NDST3: variants seen among roughly 807,000 people sequenced by gnomAD.
NDST3 encodes the protein N-deacetylase and N-sulfotransferase 3, also known as bifunctional heparan sulfate N-deacetylase/N-sulfotransferase 3.
Under a neutral mutation model 96.1 loss-of-function variants are expected in NDST3, and 58 were observed. That is an observed-to-expected ratio of 0.60 (90% CI 0.49 to 0.75). The LOEUF is 0.75. Ranked by LOEUF, NDST3 falls within the 30% of genes least tolerant of loss-of-function variation. The pLI is 0.00. For synonymous variants in NDST3, 333 were observed against 359.7 expected, an observed-to-expected ratio of 0.93 and a Z score of 0.84; for missense variants, 788 against 1,034.2, an observed-to-expected ratio of 0.76 and a Z score of 3.27.
Position 118,224,524 on chromosome 4 carries a change from G to A in NDST3, c.1573G>A (p.Gly525Arg), listed in dbSNP as rs1174502868. Residue 525 changes from glycine to arginine, a missense_variant, in exon 7 of 14, where the codon GGG (glycine) becomes AGG (arginine). Physicochemically the swap from Gly to Arg is moderately radical, Grantham distance 125. This residue lies in a region of NDST3 where 490 missense variants were observed against 708.8 expected (regional missense o/e 0.69). Coordinates refer to ENST00000296499, the MANE Select transcript of NDST3 (RefSeq NM_004784.3). The stretch of plus-strand genomic sequence containing the variant: ...TTTCATGACCCATTTGTCCAACTAT[G>A]GGAATGACCGACTGGGATTATATAC... ...SIFMTHLSNYGNDRLGLYTFV... is the reference protein window; with the variant it reads ...SIFMTHLSNYRNDRLGLYTFV... 6.2e-7 allele frequency: 1 copy of A among 1,609,506 alleles called. No individual in the cohort carries two copies. Among genetic ancestry groups the A allele is most frequent in the Non-Finnish European group, 8.5e-7 (1 of 1,177,940 alleles).
At chr4:118,137,973 C>T (rs779697594) in intron 4 of NDST3, 81 bp from the exon 5 acceptor site, 5 of 1,160,734 alleles carry the variant, frequency 4.3e-6, no homozygotes, top group Non-Finnish European at 6.0e-6. Context: ...TATATATTTA[C>T]AGTACATTTG....
Position 118,104,827 on chromosome 4 carries a change from AATGT to A in NDST3, c.982-186_982-183del, listed in dbSNP as rs374186013. ...TTTATTGCAAGCTAAAGGATAAATA[AATGT>A]ATGTGTTTCATGTAAACTCAAAAGT... On this transcript the variant is annotated intron_variant, in intron 2 of 13. Transcript: ENST00000296499. Among the ~76,000 whole-genome samples the A allele has an allele frequency of 8.1e-4, 123 of 152,280 alleles. 1 individual carries two copies. The East Asian group carries it at 0.019, about 23-fold the overall frequency.
intron 2 of NDST3, among the ~76,000 whole-genome samples, chr4:118,094,002 C>A (rs922052974): frequency 2.0e-5 from 3 of 151,748 alleles, no homozygotes; most frequent in African/African-American, 4.8e-5. Context: ...GAAGCAAGCC[C>A]ACTTCCTCAA....
chr4:118,155,037 C>G (rs977780662), intron 6 of NDST3, among the ~76,000 whole-genome samples: 5 of 152,102 alleles, frequency 3.3e-5, no homozygotes, highest in African/African-American at 1.2e-4. Flanking sequence ...TAAAGAACTA[C>G]GAATAAAGAA....
chr4:118,246,861 G>A (rs1386297557), intron 12 of NDST3, among the ~76,000 whole-genome samples: 1 of 152,154 alleles, frequency 6.6e-6, no homozygotes, highest in African/African-American at 2.4e-5. Context: ...GACACGTGGG[G>A]ATTATTAAAA....
At chr4:118,065,027 G>GA (rs1168543735) in intron 2 of NDST3, among the ~76,000 whole-genome samples, 1 of 152,060 alleles carries the variant, frequency 6.6e-6, no homozygotes, top group East Asian at 1.9e-4. Flanking sequence ...GGCCCACCTG[G>GA]ATAATCCAGA....
At chr4:118,094,634 G>T (rs1385260100) in intron 2 of NDST3, among the ~76,000 whole-genome samples, 1 of 151,652 alleles carries the variant, frequency 6.6e-6, no homozygotes, top group Non-Finnish European at 1.5e-5. Flanking sequence ...TTCCTCTTCT[G>T]ACTAAGAATT....
At chr4:118,053,463 T>C (rs1725206804) in intron 1 of NDST3, among the ~76,000 whole-genome samples, 1 of 152,004 alleles carries the variant, frequency 6.6e-6, no homozygotes, top group Non-Finnish European at 1.5e-5. Flanking sequence ...TCCGTGGTCT[T>C]TGTTGTATAG....
chr4:118,237,823 T>A lies in NDST3; in HGVS notation c.2118+603T>A, dbSNP rs142679654. 5.1e-3 allele frequency among the ~76,000 whole-genome samples: 780 copies of A among 152,110 alleles called. 5 individuals are homozygous for A. The highest frequency in any genetic ancestry group is 0.018 in the African/African-American group (740 of 41,460). The stretch of plus-strand genomic sequence containing the variant: ...GGCAAAACTAATATATATAAGAATC[T>A]TTAGGCTGGGCGTGGTGGCTCATGC... On this transcript the variant is annotated intron_variant, in intron 10 of 13. Coordinates refer to ENST00000296499, the MANE Select transcript of NDST3 (RefSeq NM_004784.3).
intron 6 of NDST3, among the ~76,000 whole-genome samples, chr4:118,189,851 A>C (rs10014957): frequency 0.17 from 25,711 of 152,028 alleles, 2,311 homozygotes; most frequent in South Asian, 0.23. Context: ...TCAATGCTAA[A>C]GCTAATTGTA....
intron 5 of NDST3, among the ~76,000 whole-genome samples, chr4:118,143,037 C>G (rs1297265228): frequency 1.3e-5 from 2 of 152,142 alleles, no homozygotes; most frequent in African/African-American, 4.8e-5. Flanking sequence ...CAGACGAGAA[C>G]AGATACTGTG....
At chr4:118,194,604 C>A in intron 6 of NDST3, 2 of 724,680 alleles carry the variant, frequency 2.8e-6, no homozygotes, top group East Asian at 5.3e-5. Context: ...AAGATTCAGT[C>A]CCCAATCATG....
chr4:118,148,021 A>G (rs1241364352), intron 6 of NDST3, among the ~76,000 whole-genome samples: 1 of 152,226 alleles, frequency 6.6e-6, no homozygotes, highest in South Asian at 2.1e-4. Context: ...CCAATGGGCC[A>G]GGCGCAGTGG....
At chr4:118,070,744 C>A (rs1726993807) in intron 2 of NDST3, among the ~76,000 whole-genome samples, 1 of 151,360 alleles carries the variant, frequency 6.6e-6, no homozygotes, top group African/African-American at 2.4e-5. Context: ...CTGTGCTGCA[C>A]CCATTAACTT....
At chr4:118,165,775 C>T (rs915955564) in intron 6 of NDST3, among the ~76,000 whole-genome samples, 3 of 151,674 alleles carry the variant, frequency 2.0e-5, no homozygotes, top group Non-Finnish European at 4.4e-5. Context: ...GGGAAATTAA[C>T]AAATATGTGG....
At chr4:118,224,778 T>G (rs1194303779) in intron 7 of NDST3, 105 bp downstream of exon 7, 1 of 1,007,766 alleles carries the variant, frequency 9.9e-7, no homozygotes, top group Non-Finnish European at 1.4e-6. Context: ...ACCTGCATTT[T>G]GGAAATGTTA....
At chr4:118,106,269 G>A (rs1040507573) in intron 3 of NDST3, among the ~76,000 whole-genome samples, 10 of 151,982 alleles carry the variant, frequency 6.6e-5, no homozygotes, top group South Asian at 2.1e-4. Context: ...ATTTTAGGCC[G>A]TTCAATTTAT....
intron 12 of NDST3, among the ~76,000 whole-genome samples, chr4:118,246,587 C>T (rs1741327521): frequency 6.6e-6 from 1 of 151,752 alleles, no homozygotes; most frequent in Admixed American, 6.6e-5. Flanking sequence ...ACCTGGGGAA[C>T]AAGAGCGAAA....
intron 6 of NDST3, among the ~76,000 whole-genome samples, chr4:118,146,250 C>T (rs551943132): frequency 6.6e-6 from 1 of 152,096 alleles, no homozygotes; most frequent in Non-Finnish European, 1.5e-5. Flanking sequence ...TGAAAGATAG[C>T]CATTGTAAGT....
Sources: allele counts gnomAD v4.1 joint callset (sites outside exome capture counted in the v4.1 genomes callset), GRCh38; gene constraint gnomAD v4.1.1; regional missense constraint gnomAD v4.1.1; transcripts MANE v1.5; gene names NCBI Gene and HGNC (gene_info 2026-07-23, HGNC 2026-07-21).